USP48: variants seen among roughly 807,000 people sequenced by gnomAD.
USP48 encodes ubiquitin specific peptidase 48.
In USP48, 43 loss-of-function variants were observed where a neutral mutation model predicts 150.7. That is an observed-to-expected ratio of 0.29 (90% CI 0.22 to 0.37). The LOEUF (loss-of-function observed/expected upper bound fraction) is 0.37, where lower values mean the gene tolerates loss of function less well. Ranked by LOEUF, USP48 falls within the 10% of genes least tolerant of loss-of-function variation. The pLI is 1.00. For missense variants in USP48, 813 were observed against 1,249.6 expected, an observed-to-expected ratio of 0.65 and a Z score of 5.27; for synonymous variants, 396 against 425.9, an observed-to-expected ratio of 0.93 and a Z score of 0.86.
chr1:21,763,988 C>G (rs1341461976), intron 1 of USP48, among the ~76,000 whole-genome samples: 2 of 152,204 alleles, frequency 1.3e-5, no homozygotes, highest in Non-Finnish European at 2.9e-5. Context: ...TCCAATGCCC[C>G]TAACTCCATT....
intron 24 of USP48, among the ~76,000 whole-genome samples, chr1:21,689,401 G>A (rs952753520): frequency 6.7e-6 from 1 of 150,298 alleles, no homozygotes; most frequent in African/African-American, 2.4e-5. Flanking sequence ...AGATCACTCA[G>A]CTTGCCCCTT....
intron 8 of USP48, among the ~76,000 whole-genome samples, chr1:21,739,414 G>C (rs2097775935): frequency 6.7e-6 from 1 of 149,880 alleles, no homozygotes; most frequent in Non-Finnish European, 1.5e-5. Context: ...AGCTACTCAG[G>C]AAGCTGAGGC....
intron 25 of USP48, chr1:21,686,815 C>A (rs2152495336): frequency 5.0e-6 from 1 of 200,958 alleles, no homozygotes; most frequent in South Asian, 8.9e-5. Flanking sequence ...GCTTCTTATA[C>A]AGTTTTCCAA....
At chr1:21,720,268 T>C (rs924992499) in intron 14 of USP48, among the ~76,000 whole-genome samples, 1 of 152,216 alleles carries the variant, frequency 6.6e-6, no homozygotes, top group Non-Finnish European at 1.5e-5. Flanking sequence ...AGACTTAACC[T>C]TTCTTGAAAC....
intron 1 of USP48, among the ~76,000 whole-genome samples, chr1:21,764,711 C>CAAAAAA (rs35810751): frequency 9.2e-6 from 1 of 108,270 alleles, no homozygotes; most frequent in Admixed American, 9.9e-5. Flanking sequence ...CACTCCGTCT[C>CAAAAAA]AAAAAAAAAA....
chr1:21,714,060 A>G (rs536262201), intron 15 of USP48, among the ~76,000 whole-genome samples: 1 of 152,316 alleles, frequency 6.6e-6, no homozygotes, highest in East Asian at 1.9e-4. Context: ...AGGGCACTTC[A>G]TATAAAAGTG....
chr1:21,740,943 G>A (rs1264469435), intron 8 of USP48, among the ~76,000 whole-genome samples: 1 of 152,212 alleles, frequency 6.6e-6, no homozygotes, highest in Admixed American at 6.5e-5. Context: ...GTACAAGGTA[G>A]AGCTGAAGAA....
rs534238276 is a variant in USP48 at position 21,687,453 on chromosome 1, T to C, written c.3010-214A>G. On this transcript the variant is annotated intron_variant, in intron 24 of 26. Transcript: ENST00000308271. ...AGTCAACACTGCAGAAGTGGTATACTGTGTGTGTGAAGAGGAAAGGCAGGG... is the reference window on the plus strand; with the variant it reads ...AGTCAACACTGCAGAAGTGGTATACCGTGTGTGTGAAGAGGAAAGGCAGGG... Among the ~76,000 whole-genome samples, 5 of 152,328 alleles carry C rather than the reference T, an allele frequency of 3.3e-5. No homozygotes were observed. The South Asian group carries it at 1.0e-3, about 32-fold the overall frequency.
chr1:21,704,397 G>GA lies in USP48; in HGVS notation c.2385-6_2385-5insT, dbSNP rs1266023006. On this transcript the variant is annotated splice_region_variant and splice_polypyrimidine_tract_variant and intron_variant, in intron 19 of 26. Transcript: ENST00000308271. ...CTGGGCCATATGAGAGCTATACTGT[G>GA]CAAAAAAAAAACACAACATGCCTTA... is the stretch of plus-strand genomic sequence containing the variant. The GA allele has an allele frequency of 1.3e-6, 2 of 1,578,310 alleles. No individual in the cohort carries two copies. Among genetic ancestry groups the GA allele is most frequent in the Admixed American group, 1.9e-5 (1 of 51,304 alleles).
intron 9 of USP48, among the ~76,000 whole-genome samples, chr1:21,735,571 T>A (rs904711401): frequency 2.0e-5 from 3 of 152,156 alleles, no homozygotes; most frequent in African/African-American, 7.2e-5. Flanking sequence ...GCCAACACAG[T>A]GAAACCCTGT....
intron 1 of USP48, among the ~76,000 whole-genome samples, chr1:21,773,466 G>A (rs544817044): frequency 9.9e-5 from 15 of 151,498 alleles, no homozygotes; most frequent in South Asian, 6.2e-4. Flanking sequence ...GTTCAAGACC[G>A]GCCTGGGCAA....
In USP48 at chr1:21,706,134, T is replaced by C. The variant is rs1212590550; in HGVS notation, c.2265A>G (p.Lys755=). 1 of 1,613,582 alleles carries C rather than the reference T, an allele frequency of 6.2e-7. No individual in the cohort carries two copies. Among genetic ancestry groups the C allele is most frequent in the African/African-American group, 1.3e-5 (1 of 74,890 alleles). Residue 755 remains lysine, a synonymous_variant, in exon 18 of 27, where the codon AAA becomes AAG. Coordinates refer to ENST00000308271, the MANE Select transcript of USP48 (RefSeq NM_032236.8). The part of the protein sequence containing the change: ...VSQFFVEEWR[K]FVRKPTRCSP... ...ACATATTTTGTTTCTACCTAACAAATTTCCGCCACTCTTCTACAAAGAACT... is the reference window on the plus strand; with the variant it reads ...ACATATTTTGTTTCTACCTAACAAACTTCCGCCACTCTTCTACAAAGAACT...
Position 21,706,488 on chromosome 1 carries a change from C to T in USP48, c.2190G>A (p.Pro730=), listed in dbSNP as rs761121978. 1.4e-5 allele frequency: 23 copies of T among 1,614,006 alleles called. No individual in the cohort carries two copies. Among genetic ancestry groups the T allele is most frequent in the East Asian group, 8.9e-5 (4 of 44,900 alleles). The change falls in exon 17 of 27, where the codon CCG becomes CCA. Residue 730 remains proline (P), a synonymous_variant. Transcript: ENST00000308271. ...LPNLFQDKNR[P]CLSNWPEDTD... ...ATACCTCTGGCCAGTTACTGAGACA[C>T]GGTCTGTTTTTATCCTGGAACAAAT...
chr1:21,721,688 A>G lies in USP48; in HGVS notation c.1725T>C (p.Tyr575=). The G allele has an allele frequency of 6.2e-7, 1 of 1,607,572 alleles. No homozygotes were observed. Among genetic ancestry groups the G allele is most frequent in the Non-Finnish European group, 8.5e-7 (1 of 1,176,130 alleles). ...CTTTCAGCAGATTATTAACAGTTTTATAATCTTCATTTAGTTGGTTCTTCA... is the reference window on the plus strand; with the variant it reads ...CTTTCAGCAGATTATTAACAGTTTTGTAATCTTCATTTAGTTGGTTCTTCA... ...LRLKNQLNED[Y]KTVNNLLKAA... The change falls in exon 13 of 27, where the codon TAT becomes TAC. Residue 575 remains tyrosine, a synonymous_variant. Coordinates refer to ENST00000308271, the MANE Select transcript of USP48 (RefSeq NM_032236.8).
chr1:21,751,482 A>G, intron 6 of USP48, 25 bp downstream of exon 6: 1 of 1,561,106 alleles, frequency 6.4e-7, no homozygotes, highest in Non-Finnish European at 8.8e-7. Context: ...GGGCAGGAAC[A>G]ATACATACAC....
At position 21,705,827 on chromosome 1, in the gene USP48, T is replaced by C. The variant is rs1427961538; in HGVS notation, c.2284A>G (p.Arg762Gly). Residue 762 changes from arginine to glycine, a missense_variant, in exon 19 of 27, where the codon AGA becomes GGA. Arg to Gly is a moderately radical substitution (Grantham distance 125). Coordinates refer to ENST00000308271, the MANE Select transcript of USP48 (RefSeq NM_032236.8). ...EWRKFVRKPT[R>G]CSPVSSVGNS... is the part of the protein sequence containing the mutation. ...CCAACTGATGACACAGGGCTGCATCTTGTAGGCTTTCTACTCAAATGAGAC... is the reference window on the plus strand; with the variant it reads ...CCAACTGATGACACAGGGCTGCATCCTGTAGGCTTTCTACTCAAATGAGAC... 1.2e-6 allele frequency: 2 copies of C among 1,600,010 alleles called. No individual in the cohort carries two copies. Among genetic ancestry groups the C allele is most frequent in the Non-Finnish European group, 1.7e-6 (2 of 1,175,652 alleles).
At position 21,748,131 on chromosome 1, in the gene USP48, C is replaced by T. The variant is rs1172554126; in HGVS notation, c.908+7G>A. 16 of 1,612,318 alleles carry T rather than the reference C, an allele frequency of 9.9e-6. No individual in the cohort carries two copies. Among genetic ancestry groups the T allele is most frequent in the Non-Finnish European group, 1.3e-5 (15 of 1,179,244 alleles). On this transcript the variant is annotated splice_region_variant and intron_variant, in intron 7 of 26. Transcript: ENST00000308271. ...AACAACAAACACTAATATTTGCACA[C>T]ATTTACCTGTCAAAGACAAAACGCA...
rs757075867 is a variant in USP48, at chr1:21,706,834, A to G, written c.1998T>C (p.Leu666=). 1.7e-5 allele frequency: 27 copies of G among 1,613,590 alleles called. No individual in the cohort carries two copies. The highest frequency in any genetic ancestry group is 2.1e-5 in the Non-Finnish European group (25 of 1,179,880). The part of the protein sequence containing the change: ...ELCISENERR[L]VSKEAWSKLQ... ...GTTTGCTCCAAGCCTCTTTAGAAAC[A>G]AGCCTTCTTTCATTTTCAGATATGC... Residue 666 remains leucine (L), a synonymous_variant, in exon 16 of 27, where the codon CTT becomes CTC. Coordinates refer to ENST00000308271, the MANE Select transcript of USP48 (RefSeq NM_032236.8).
At chr1:21,719,098 T>A (rs2097712467) in intron 14 of USP48, among the ~76,000 whole-genome samples, 1 of 148,910 alleles carries the variant, frequency 6.7e-6, no homozygotes, top group Non-Finnish European at 1.5e-5. Flanking sequence ...AAACCCCATC[T>A]CCACTAAAAT....
Sources: allele counts gnomAD v4.1 joint callset (sites outside exome capture counted in the v4.1 genomes callset), GRCh38; gene constraint gnomAD v4.1.1; transcripts MANE v1.5; gene names NCBI Gene and HGNC (gene_info 2026-07-23, HGNC 2026-07-21).